Variants in SPTLC2 observed in about 807,000 individuals in gnomAD.
SPTLC2 encodes serine palmitoyltransferase long chain base subunit 2.
Under a neutral mutation model 62.0 loss-of-function variants are expected in SPTLC2, and 21 were observed. That is an observed-to-expected ratio of 0.34 (90% CI 0.24 to 0.49). The LOEUF (loss-of-function observed/expected upper bound fraction) is 0.49, where lower values mean the gene tolerates loss of function less well. Ranked by LOEUF, SPTLC2 falls within the 20% of genes least tolerant of loss-of-function variation. The pLI is 0.99. For missense variants in SPTLC2, 511 were observed against 713.0 expected (o/e 0.72, Z 3.23); for synonymous variants, 261 against 261.8 (o/e 1.00, Z 0.03).
intron 4 of SPTLC2, among the ~76,000 whole-genome samples, chr14:77,575,983 C>T (rs542713984): frequency 2.6e-5 from 4 of 152,258 alleles, no homozygotes; most frequent in African/African-American, 7.2e-5. Context: ...GTGAAACATG[C>T]GAATGAAGAA....
At chr14:77,525,273 G>GTTGT (rs1421057353) in intron 9 of SPTLC2, among the ~76,000 whole-genome samples, 1 of 152,038 alleles carries the variant, frequency 6.6e-6, no homozygotes, top group Non-Finnish European at 1.5e-5. Flanking sequence ...TCCAGCCTGG[G>GTTGT]TAACATAGTG....
chr14:77,579,913 AAAG>A (rs2079738621), intron 2 of SPTLC2, among the ~76,000 whole-genome samples: 1 of 152,226 alleles, frequency 6.6e-6, no homozygotes, highest in African/African-American at 2.4e-5. Context: ...GTAAATTAAC[AAAG>A]TAGTCCTCAT....
rs566026743 is a variant in SPTLC2, at chr14:77,539,544, C to T, written c.1303+12552G>A. ...TCGTTGTGTCGCCCAGCCTGGAGTA[C>T]AGTGGTGTGATCTCGGTTCATTGCA... On this transcript the variant is annotated intron_variant, in intron 9 of 11. Coordinates refer to ENST00000216484, the MANE Select transcript of SPTLC2 (RefSeq NM_004863.4). Among the ~76,000 whole-genome samples the T allele has an allele frequency of 7.7e-5, 9 of 117,154 alleles. No individual in the cohort carries two copies. In the East Asian group the frequency reaches 2.7e-3, roughly 35 times the overall value. 76.9% of individuals were successfully genotyped at this position (117,154 alleles called of 152,430 possible).
chr14:77,528,350 G>A (rs972284464), intron 9 of SPTLC2, among the ~76,000 whole-genome samples: 1 of 152,040 alleles, frequency 6.6e-6, no homozygotes, highest in African/African-American at 2.4e-5. Context: ...TCCTGACTCA[G>A]CCTCCCGAGT....
At chr14:77,586,416 T>A (rs2079781914) in intron 2 of SPTLC2, among the ~76,000 whole-genome samples, 1 of 152,192 alleles carries the variant, frequency 6.6e-6, no homozygotes, top group African/African-American at 2.4e-5. Context: ...ACTTTCCATG[T>A]GACCCAGCAA....
intron 9 of SPTLC2, among the ~76,000 whole-genome samples, chr14:77,546,068 T>A (rs1217433429): frequency 6.6e-6 from 1 of 152,212 alleles, no homozygotes; most frequent in African/African-American, 2.4e-5. Context: ...TTTGGAAAAT[T>A]AGCAGAAAAT....
chr14:77,586,608 G>T (rs1286233329), intron 2 of SPTLC2, among the ~76,000 whole-genome samples: 1 of 152,158 alleles, frequency 6.6e-6, no homozygotes, highest in African/African-American at 2.4e-5. Context: ...AATGGTACAT[G>T]AATCTTGAAA....
chr14:77,593,052 G>A (rs190706211), intron 2 of SPTLC2, among the ~76,000 whole-genome samples: 4 of 151,140 alleles, frequency 2.6e-5, no homozygotes, highest in Admixed American at 1.3e-4. Flanking sequence ...GCAGTGAGCC[G>A]AGATCACGCC....
At chr14:77,568,996 TATAA>T (rs2079662364) in intron 5 of SPTLC2, among the ~76,000 whole-genome samples, 1 of 152,192 alleles carries the variant, frequency 6.6e-6, no homozygotes, top group African/African-American at 2.4e-5. Context: ...AGCAGTAGGA[TATAA>T]ATAACTCCCA....
chr14:77,570,476 G>A lies in SPTLC2; in HGVS notation c.664C>T (p.Leu222Phe). Residue 222 changes from leucine (L) to phenylalanine (F), a missense_variant, in exon 5 of 12, where the codon CTT becomes TTT. Transcript: ENST00000216484. ...NLDKHEELEE[L>F]VARFLGVEAA... ...TCTACTCCTAAGAACCTTGCTACAA[G>A]CTCCTCTAGTTCTTCATGCTTGTCC... 6.2e-7 allele frequency: 1 copy of A among 1,613,932 alleles called. No individual in the cohort carries two copies. Among genetic ancestry groups the A allele is most frequent in the Non-Finnish European group, 8.5e-7 (1 of 1,179,980 alleles).
chr14:77,564,230 TG>T (rs1207342490), intron 5 of SPTLC2, among the ~76,000 whole-genome samples: 5 of 26,284 alleles, frequency 1.9e-4, no homozygotes, highest in Admixed American at 6.0e-4. Flanking sequence ...AGACTCTGTC[TG>T]GGGGGAAAAA....
Position 77,557,280 on chromosome 14 carries a change from A to C in SPTLC2, c.851-134T>G. 3 of 774,058 alleles carry C rather than the reference A, an allele frequency of 3.9e-6. No homozygotes were observed. In the South Asian group the frequency reaches 4.9e-5, roughly 13 times the overall value. The allele number at this position is 774,058 out of a possible 1,614,324, so 47.9% of individuals were successfully genotyped here. ...AGGACATAATTAGAGTTGGGCAGAA[A>C]AAAGCAGGGCAAAATAGGTGAATTA... On this transcript the variant is annotated intron_variant, in intron 6 of 11. Transcript: ENST00000216484.
intron 8 of SPTLC2, among the ~76,000 whole-genome samples, chr14:77,553,539 G>A (rs1254408195): frequency 6.6e-6 from 1 of 151,930 alleles, no homozygotes; most frequent in African/African-American, 2.4e-5. Context: ...AGACCATCCT[G>A]GCCAACACGG....
At chr14:77,610,997 A>AG (rs2079933259) in intron 1 of SPTLC2, among the ~76,000 whole-genome samples, 1 of 147,434 alleles carries the variant, frequency 6.8e-6, no homozygotes, top group Admixed American at 6.8e-5. Context: ...CTCTACAAAA[A>AG]AAAAAAAAAA....
Position 77,514,812 on chromosome 14 carries a change from C to G in SPTLC2, c.1570-2409G>C, listed in dbSNP as rs1039826552. Among the ~76,000 whole-genome samples the G allele has an allele frequency of 6.6e-5, 10 of 152,228 alleles. No individual in the cohort carries two copies. The South Asian group carries it at 1.9e-3, about 28-fold the overall frequency. ...CTCGTTGTCTCAATCCTCACTCCCC[C>G]TCCTCTCAGGCTGGCTGCCACCAAT... is the stretch of plus-strand genomic sequence containing the variant. On this transcript the variant is annotated intron_variant, in intron 11 of 11. Transcript: ENST00000216484.
At position 77,557,157 on chromosome 14, in the gene SPTLC2, C is replaced by CA; in HGVS notation, c.851-12dup. 1 of 1,600,716 alleles carries CA rather than the reference C, an allele frequency of 6.2e-7. No homozygotes were observed. The highest frequency in any genetic ancestry group is 8.5e-7 in the Non-Finnish European group (1 of 1,169,958). ...CTAGGCTTTGCATATCTACAGAGCA[C>CA]AAAAAAGAACAGTTATACCGCATCT... On this transcript the variant is annotated splice_polypyrimidine_tract_variant and intron_variant, in intron 6 of 11. Coordinates refer to ENST00000216484, the MANE Select transcript of SPTLC2 (RefSeq NM_004863.4).
Position 77,512,367 on chromosome 14 carries a change from G to C in SPTLC2, c.1606C>G (p.Gln536Glu). The C allele has an allele frequency of 6.2e-7, 1 of 1,614,238 alleles. No homozygotes were observed. The change falls in exon 12 of 12, where the codon CAG (glutamine) becomes GAG (glutamate). Residue 536 changes from glutamine to glutamate, a missense_variant. Coordinates refer to ENST00000216484, the MANE Select transcript of SPTLC2 (RefSeq NM_004863.4). ...KEIDEVGDLLQLKYSRHRLVP... is the reference protein window; with the variant it reads ...KEIDEVGDLLELKYSRHRLVP... ...AACCGATGACGGGAATACTTCAGCT[G>C]CAATAGGTCCCCAACTTCATCTATC... is the stretch of plus-strand genomic sequence containing the variant.
At chr14:77,568,235 G>A (rs1392940517) in intron 5 of SPTLC2, among the ~76,000 whole-genome samples, 1 of 151,946 alleles carries the variant, frequency 6.6e-6, no homozygotes, top group African/African-American at 2.4e-5. Flanking sequence ...GAAATATATT[G>A]TTTAATTTTC....
intron 1 of SPTLC2, among the ~76,000 whole-genome samples, chr14:77,600,522 G>A (rs954347852): frequency 6.6e-6 from 1 of 152,226 alleles, no homozygotes; most frequent in South Asian, 2.1e-4. Context: ...CTTATACATA[G>A]GTAATAATCC....
Sources: gnomAD v4.1 joint callset for allele counts (sites outside exome capture counted in the v4.1 genomes callset) on GRCh38, gnomAD v4.1.1 for gene constraint, MANE v1.5 for transcripts, NCBI Gene and HGNC (gene_info 2026-07-23, HGNC 2026-07-21) for gene names.